Variants in GRM5 observed in about 807,000 individuals in gnomAD.
GRM5 encodes the protein metabotropic glutamate receptor 5.
A neutral mutation model predicts 83.1 loss-of-function variants in GRM5; 19 were observed. The observed-to-expected ratio is 0.23, with a 90% CI of 0.16 to 0.34. GRM5 has a LOEUF of 0.34. Ranked by LOEUF, GRM5 falls within the 10% of genes least tolerant of loss-of-function variation. The pLI, the probability that GRM5 is intolerant of heterozygous loss-of-function variation, is 1.00. For missense variants in GRM5, 1,160 were observed against 1,588.3 expected, an observed-to-expected ratio of 0.73 and a Z score of 4.58; for synonymous variants, 675 against 633.6, an observed-to-expected ratio of 1.07 and a Z score of -0.98.
chr11:88,673,912 A>T, intron 3 of GRM5, among the ~76,000 whole-genome samples: 1 of 150,986 alleles, frequency 6.6e-6, no homozygotes, highest in Admixed American at 6.6e-5. Context: ...AAACAAACAT[A>T]CTCTAGAGTA....
At chr11:88,976,617 T>C (rs1939345769) in intron 2 of GRM5, among the ~76,000 whole-genome samples, 1 of 151,984 alleles carries the variant, frequency 6.6e-6, no homozygotes, top group South Asian at 2.1e-4. Context: ...GAGGAGGAGG[T>C]TGATGATGCT....
At chr11:88,707,173 T>A (rs1465406505) in intron 3 of GRM5, among the ~76,000 whole-genome samples, 1 of 152,118 alleles carries the variant, frequency 6.6e-6, no homozygotes, top group Non-Finnish European at 1.5e-5. Flanking sequence ...ATTAGCTGTG[T>A]GATCTTGGAT....
intron 2 of GRM5, among the ~76,000 whole-genome samples, chr11:88,866,351 A>T (rs1263823796): frequency 6.6e-6 from 1 of 152,070 alleles, no homozygotes; most frequent in African/African-American, 2.4e-5. Flanking sequence ...GGAGTTGAAC[A>T]ATGAGAACAC....
chr11:89,032,001 A>G (rs1941272529), intron 2 of GRM5, among the ~76,000 whole-genome samples: 3 of 152,088 alleles, frequency 2.0e-5, no homozygotes, highest in African/African-American at 7.2e-5. Context: ...CCTATTATAT[A>G]CTACACATCA....
intron 7 of GRM5, among the ~76,000 whole-genome samples, chr11:88,573,743 T>C (rs942086096): frequency 6.6e-6 from 1 of 152,218 alleles, no homozygotes; most frequent in Non-Finnish European, 1.5e-5. Context: ...AGGTGTTGAC[T>C]GGTGACTAAC....
At chr11:89,022,292 C>T (rs1262074534) in intron 2 of GRM5, among the ~76,000 whole-genome samples, 1 of 151,940 alleles carries the variant, frequency 6.6e-6, no homozygotes, top group African/African-American at 2.4e-5. Context: ...TCATCATATA[C>T]CAACTACTTA....
chr11:89,018,855 CAG>C (rs1246531945), intron 2 of GRM5, among the ~76,000 whole-genome samples: 1 of 152,182 alleles, frequency 6.6e-6, no homozygotes, highest in Non-Finnish European at 1.5e-5. Context: ...AAATATTGCA[CAG>C]AAAGTCCCTA....
At chr11:89,014,422 A>C (rs1408808983) in intron 2 of GRM5, among the ~76,000 whole-genome samples, 1 of 152,056 alleles carries the variant, frequency 6.6e-6, no homozygotes, top group Non-Finnish European at 1.5e-5. Context: ...CAATGCTATT[A>C]CTTCAATTCA....
rs78542062 is a variant in GRM5, at chr11:88,999,726, T to A, written c.661+47486A>T. 7.2e-3 allele frequency among the ~76,000 whole-genome samples: 1,095 copies of A among 151,866 alleles called. 8 individuals carry two copies. Among genetic ancestry groups the A allele is most frequent in the Middle Eastern group, 0.041 (12 of 292 alleles). The stretch of plus-strand genomic sequence containing the variant: ...CTAGAAATTCCATTTGACCCAGCCA[T>A]CCCATTACTGGGTATATACCCGAAG... On this transcript the variant is annotated intron_variant, in intron 2 of 9. Coordinates refer to ENST00000305447, the MANE Select transcript of GRM5 (RefSeq NM_001143831.3).
chr11:88,541,963 G>T (rs1312939838), intron 8 of GRM5, among the ~76,000 whole-genome samples: 2 of 152,102 alleles, frequency 1.3e-5, no homozygotes, highest in Admixed American at 6.6e-5. Flanking sequence ...TTTTACAGGG[G>T]CTCTTCCCCC....
intron 4 of GRM5, among the ~76,000 whole-genome samples, chr11:88,627,397 G>A (rs1938831328): frequency 6.6e-6 from 1 of 151,942 alleles, no homozygotes; most frequent in Non-Finnish European, 1.5e-5. Flanking sequence ...AGGTCTGATG[G>A]ACCCAGCTTT....
chr11:88,830,941 G>A (rs935841420), intron 3 of GRM5, among the ~76,000 whole-genome samples: 1 of 152,070 alleles, frequency 6.6e-6, no homozygotes, highest in Non-Finnish European at 1.5e-5. Flanking sequence ...CCCCATTATA[G>A]TAACCAGATC....
At chr11:88,603,964 C>G (rs982908980) in intron 5 of GRM5, among the ~76,000 whole-genome samples, 2 of 152,156 alleles carry the variant, frequency 1.3e-5, no homozygotes, top group African/African-American at 4.8e-5. Flanking sequence ...TGAGTGAAGA[C>G]TCAGCCCTGC....
At chr11:88,978,727 C>T (rs1196941104) in intron 2 of GRM5, among the ~76,000 whole-genome samples, 2 of 151,940 alleles carry the variant, frequency 1.3e-5, no homozygotes, top group Non-Finnish European at 2.9e-5. Flanking sequence ...TTTTGAGCAC[C>T]TTGCATGTGC....
At chr11:89,033,901 A>G (rs999876893) in intron 2 of GRM5, among the ~76,000 whole-genome samples, 1 of 151,956 alleles carries the variant, frequency 6.6e-6, no homozygotes, top group Non-Finnish European at 1.5e-5. Flanking sequence ...AATTTCAAAA[A>G]AGAGACAGAT....
At chr11:88,531,500 G>C (rs372820992) in intron 8 of GRM5, among the ~76,000 whole-genome samples, 1 of 152,116 alleles carries the variant, frequency 6.6e-6, no homozygotes, top group Admixed American at 6.5e-5. Context: ...ATTTTTCTCT[G>C]ATACCAAGGA....
intron 2 of GRM5, among the ~76,000 whole-genome samples, chr11:88,916,778 A>T (rs1039867260): frequency 1.8e-5 from 2 of 109,694 alleles, no homozygotes; most frequent in African/African-American, 6.6e-5. Context: ...GAGAGAAAAG[A>T]GAACTTTGTC....
chr11:88,609,725 C>T (rs923647510), intron 4 of GRM5, among the ~76,000 whole-genome samples: 1 of 152,142 alleles, frequency 6.6e-6, no homozygotes, highest in Non-Finnish European at 1.5e-5. Flanking sequence ...TGTGCAGAAG[C>T]CCTTTGCTTA....
rs533125473 is a variant in GRM5 at position 88,713,772 on chromosome 11, G to T, written c.912-60369C>A. 1.4e-4 allele frequency among the ~76,000 whole-genome samples: 22 copies of T among 152,010 alleles called. 1 individual carries two copies. In the South Asian group the frequency reaches 4.2e-3, roughly 29 times the overall value. On this transcript the variant is annotated intron_variant, in intron 3 of 9. Coordinates refer to ENST00000305447, the MANE Select transcript of GRM5 (RefSeq NM_001143831.3). The stretch of plus-strand genomic sequence containing the variant: ...TCTCTGATGAAGGGACATTTTAGGA[G>T]ACTTAAATTCATTTGGGGGCCTAAA...
Sources: allele counts gnomAD v4.1 joint callset (sites outside exome capture counted in the v4.1 genomes callset), GRCh38; gene constraint gnomAD v4.1.1; transcripts MANE v1.5; gene names NCBI Gene and HGNC (gene_info 2026-07-23, HGNC 2026-07-21).